Variants in TBC1D16 observed in about 807,000 individuals in gnomAD.
TBC1D16 encodes the protein CTD-2529O21.1.
TBC1D16 carries 58 observed loss-of-function variants against 74.7 expected under a neutral mutation model. The observed-to-expected ratio is 0.78, with a 90% CI of 0.63 to 0.97. The LOEUF (loss-of-function observed/expected upper bound fraction) is 0.97. TBC1D16 is among the 50% of genes least tolerant of loss of function. The pLI is 0.00. For missense variants in TBC1D16, 1,014 were observed against 1,079.5 expected (o/e 0.94, Z 0.85); for synonymous variants, 493 against 474.7 (o/e 1.04, Z -0.50).
chr17:79,977,286 C>T (rs904621808), intron 3 of TBC1D16, among the ~76,000 whole-genome samples: 4 of 152,184 alleles, frequency 2.6e-5, no homozygotes, highest in Admixed American at 6.5e-5. Flanking sequence ...TGCACAGGGA[C>T]GTGCAGGTCA....
chr17:79,977,273 C>T (rs1008367085), intron 3 of TBC1D16, among the ~76,000 whole-genome samples: 1 of 152,178 alleles, frequency 6.6e-6, no homozygotes. Flanking sequence ...AGAGACGGCC[C>T]GGTGCACAGG....
At position 79,961,539 on chromosome 17, in the gene TBC1D16, A is replaced by G; in HGVS notation, c.780-8721T>C. Among the ~76,000 whole-genome samples the G allele has an allele frequency of 6.6e-6, 1 of 152,266 alleles. No individual in the cohort carries two copies. On this transcript the variant is annotated intron_variant, in intron 3 of 11. Transcript: ENST00000310924. The surrounding 1 kb of genome is among the most constrained non-coding windows in gnomAD (Gnocchi z 4.8). ...TATGTCCACGTGCAAAGACTTGCAC[A>G]TAAATGTGTGTAACAGCTTTATCTA...
At chr17:79,949,396 G>C (rs778389341) in intron 7 of TBC1D16, among the ~76,000 whole-genome samples, 3 of 152,226 alleles carry the variant, frequency 2.0e-5, no homozygotes, top group East Asian at 3.9e-4. Context: ...ACAGTCTCCG[G>C]ATGCCTTCAC....
At position 79,990,781 on chromosome 17, in the gene TBC1D16, A is replaced by C. The variant is rs2035027662; in HGVS notation, c.779+19379T>G. Among the ~76,000 whole-genome samples, 1 of 152,042 alleles carries C rather than the reference A, an allele frequency of 6.6e-6. No individual in the cohort carries two copies. Among genetic ancestry groups the C allele is most frequent in the African/African-American group, 2.4e-5 (1 of 41,412 alleles). On this transcript the variant is annotated intron_variant, in intron 3 of 11. Transcript: ENST00000310924. This position sits in a 1 kb window ranked among gnomAD's most constrained non-coding sequence, Gnocchi z 4.8. ...CCCCTCCCTCAGCCCCTGGCACCCC[A>C]ATCTTTCCCTCTCTGAGCCTGACAA...
rs1201768332 is a variant in TBC1D16 at position 79,990,874 on chromosome 17, C to T, written c.779+19286G>A. 6.6e-6 allele frequency among the ~76,000 whole-genome samples: 1 copy of T among 152,208 alleles called. No homozygotes were observed. Among genetic ancestry groups the T allele is most frequent in the African/African-American group, 2.4e-5 (1 of 41,452 alleles). The stretch of plus-strand genomic sequence containing the variant: ...CTTATGTCTGGCTCATTTCACTCGG[C>T]GTAACGTCCTCAACTCATCCGTGTT... On this transcript the variant is annotated intron_variant, in intron 3 of 11. Coordinates refer to ENST00000310924, the MANE Select transcript of TBC1D16 (RefSeq NM_019020.4). This position sits in a 1 kb window ranked among gnomAD's most constrained non-coding sequence, Gnocchi z 4.8.
At position 79,987,901 on chromosome 17, in the gene TBC1D16, G is replaced by A. The variant is rs577852124; in HGVS notation, c.779+22259C>T. ...TGGGGGCGGGGTGCTGGGAGATGCA[G>A]AGGCTCAGAAAAACCCTCCGAGGCT... On this transcript the variant is annotated intron_variant, in intron 3 of 11. Coordinates refer to ENST00000310924, the MANE Select transcript of TBC1D16 (RefSeq NM_019020.4). This position sits in a 1 kb window ranked among gnomAD's most constrained non-coding sequence, Gnocchi z 5.2. 6.6e-6 allele frequency among the ~76,000 whole-genome samples: 1 copy of A among 152,062 alleles called. No homozygotes were observed. Among genetic ancestry groups the A allele is most frequent in the African/African-American group, 2.4e-5 (1 of 41,406 alleles).
chr17:79,941,931 G>A lies in TBC1D16; in HGVS notation c.2055+129C>T. 1.2e-6 allele frequency: 1 copy of A among 817,196 alleles called. No homozygotes were observed. The highest frequency in any genetic ancestry group is 1.9e-6 in the Non-Finnish European group (1 of 519,494). 50.6% of individuals were successfully genotyped at this position (817,196 alleles called of 1,614,324 possible). A position where few individuals can be genotyped will look rare whatever the true frequency, so the allele number is the denominator to read the frequency against. ...GGTGGGGGAGGGCACGTGCTGGGGG[G>A]CCATGGTGGGGATGGGGCTCTGGGG... On this transcript the variant is annotated intron_variant, in intron 11 of 11. Coordinates refer to ENST00000310924, the MANE Select transcript of TBC1D16 (RefSeq NM_019020.4). The surrounding 1 kb of genome is among the most constrained non-coding windows in gnomAD (Gnocchi z 4.3).
chr17:79,959,703 CCCAAATTAA>C (rs748509215), intron 3 of TBC1D16, among the ~76,000 whole-genome samples: 14 of 152,118 alleles, frequency 9.2e-5, no homozygotes, highest in Non-Finnish European at 1.8e-4. Context: ...CCATCACTCC[CCCAAATTAA>C]CTCAAAACGG....
chr17:80,025,566 CCTGCTGGGAGCAGCCG>C (rs1240155960), intron 1 of TBC1D16, among the ~76,000 whole-genome samples: 14 of 113,090 alleles, frequency 1.2e-4, no homozygotes, highest in African/African-American at 4.1e-4. Flanking sequence ...TCGGGGCCCG[CCTGCTGGGAGCAGCCG>C]CCTGCTGGGA....
In TBC1D16 at chr17:80,013,624, G is replaced by C; in HGVS notation, c.-62-15C>G. 7.2e-7 allele frequency: 1 copy of C among 1,398,496 alleles called. No individual in the cohort carries two copies. Among genetic ancestry groups the C allele is most frequent in the Non-Finnish European group, 9.5e-7 (1 of 1,053,792 alleles). The allele number at this position is 1,398,496 out of a possible 1,614,324, so 86.6% of individuals were successfully genotyped here. A position where few individuals can be genotyped will look rare whatever the true frequency, so the allele number is the denominator to read the frequency against. Reference sequence around the variant, plus strand: ...TCAAGACCTGCCTGGGGGAGGAAGAGAGAGGAGATGGTCAAGGTTGTGGAC... The same window carrying C: ...TCAAGACCTGCCTGGGGGAGGAAGACAGAGGAGATGGTCAAGGTTGTGGAC... On this transcript the variant is annotated splice_polypyrimidine_tract_variant and intron_variant, in intron 1 of 11. Coordinates refer to ENST00000310924, the MANE Select transcript of TBC1D16 (RefSeq NM_019020.4).
chr17:79,969,941 CAAAGAAAAGA>C (rs552490205), intron 3 of TBC1D16, among the ~76,000 whole-genome samples: 8 of 151,906 alleles, frequency 5.3e-5, no homozygotes, highest in East Asian at 1.9e-4. Flanking sequence ...GACTCCATCT[CAAAGAAAAGA>C]AAAGAAAAGA....
At chr17:80,029,213 C>T (rs1376013973) in intron 1 of TBC1D16, among the ~76,000 whole-genome samples, 5 of 151,962 alleles carry the variant, frequency 3.3e-5, no homozygotes, top group Admixed American at 2.6e-4. Context: ...GCTTCCAGGA[C>T]GAGAGCGCTT....
intron 2 of TBC1D16, among the ~76,000 whole-genome samples, chr17:80,011,563 A>G (rs1234782655): frequency 6.6e-6 from 1 of 152,110 alleles, no homozygotes; most frequent in Non-Finnish European, 1.5e-5. Flanking sequence ...GTGATGGCTC[A>G]CGCCTGTAAT....
At chr17:79,947,206 A>G (rs1230174503) in intron 9 of TBC1D16, among the ~76,000 whole-genome samples, 2 of 152,154 alleles carry the variant, frequency 1.3e-5, no homozygotes, top group African/African-American at 4.8e-5. Context: ...ACTGCCCCAG[A>G]GACCTCAGGG....
chr17:79,979,258 A>T lies in TBC1D16; in HGVS notation c.780-26440T>A, dbSNP rs1598380436. 6.6e-6 allele frequency among the ~76,000 whole-genome samples: 1 copy of T among 151,134 alleles called. No individual in the cohort carries two copies. Among genetic ancestry groups the T allele is most frequent in the East Asian group, 2.0e-4 (1 of 5,116 alleles). On this transcript the variant is annotated intron_variant, in intron 3 of 11. Transcript: ENST00000310924. This position sits in a 1 kb window ranked among gnomAD's most constrained non-coding sequence, Gnocchi z 4.8. ...CGCCTAGAGCACACACGCTCCGGGGATGCACACCCACGCCCAGAGCACACG... is the reference window on the plus strand; with the variant it reads ...CGCCTAGAGCACACACGCTCCGGGGTTGCACACCCACGCCCAGAGCACACG...
At chr17:79,996,189 C>G (rs1302619810) in intron 3 of TBC1D16, among the ~76,000 whole-genome samples, 1 of 152,184 alleles carries the variant, frequency 6.6e-6, no homozygotes, top group Non-Finnish European at 1.5e-5. Context: ...TGTTACCTGT[C>G]ACTAGAACAA....
rs544971272 is a variant in TBC1D16, at chr17:79,941,621, C to T, written c.2055+439G>A. Among the ~76,000 whole-genome samples the T allele has an allele frequency of 3.1e-3, 479 of 152,316 alleles. 7 individuals are homozygous for T. The highest frequency in any genetic ancestry group is 4.6e-3 in the Non-Finnish European group (315 of 68,010). On this transcript the variant is annotated intron_variant, in intron 11 of 11. Coordinates refer to ENST00000310924, the MANE Select transcript of TBC1D16 (RefSeq NM_019020.4). The surrounding 1 kb of genome is among the most constrained non-coding windows in gnomAD (Gnocchi z 4.3). The stretch of plus-strand genomic sequence containing the variant: ...GCTAACGGGCAGCATCTCCAGGAGG[C>T]GTCTGGGAAGTGGGGGAGGGGGCCA...
In TBC1D16 at chr17:79,991,370, G is replaced by A. The variant is rs527463369; in HGVS notation, c.779+18790C>T. 6.6e-5 allele frequency among the ~76,000 whole-genome samples: 10 copies of A among 151,990 alleles called. No homozygotes were observed. The South Asian group carries it at 2.1e-3, about 32-fold the overall frequency. On this transcript the variant is annotated intron_variant, in intron 3 of 11. Coordinates refer to ENST00000310924, the MANE Select transcript of TBC1D16 (RefSeq NM_019020.4). ...CAGGGGAGGCTGAGGCTGACGCGAG[G>A]TGGGGTGGGGTGAGGTTGTGCTGGA...
intron 3 of TBC1D16, among the ~76,000 whole-genome samples, chr17:79,998,667 C>T (rs1393359038): frequency 1.3e-5 from 2 of 151,934 alleles, no homozygotes; most frequent in East Asian, 3.9e-4. Context: ...TTCCACGTAG[C>T]AATGTACATT....
Sources: gnomAD v4.1 joint callset for allele counts (sites outside exome capture counted in the v4.1 genomes callset) on GRCh38, gnomAD v4.1.1 for gene constraint, Gnocchi (gnomAD v3.1) non-coding constraint, MANE v1.5 for transcripts, NCBI Gene and HGNC (gene_info 2026-07-23, HGNC 2026-07-21) for gene names.